The following FAM110A variants were observed in gnomAD, a reference collection of about 807,000 sequenced individuals.
FAM110A encodes the protein family with sequence similarity 110 member A.
FAM110A carries 1 observed loss-of-function variant against 4.0 expected under a neutral mutation model. That is an observed-to-expected ratio of 0.25 (90% CI 0.09 to 1.20). FAM110A has a LOEUF of 1.20. Among genes scored for constraint, FAM110A ranks in the 50% most tolerant of loss-of-function variants. FAM110A has a pLI of 0.50. For synonymous variants in FAM110A, 217 were observed against 196.8 expected (o/e 1.10, Z -0.86); for missense variants, 436 against 429.2 (o/e 1.02, Z -0.14).
Position 844,847 on chromosome 20 carries a change from G to C in FAM110A, c.43G>C (p.Ala15Pro). 6.6e-7 allele frequency: 1 copy of C among 1,525,568 alleles called. No individual in the cohort carries two copies. Among genetic ancestry groups the C allele is most frequent in the Non-Finnish European group, 8.8e-7 (1 of 1,136,348 alleles). 94.5% of individuals were successfully genotyped at this position (1,525,568 alleles called of 1,614,324 possible). Residue 15 changes from alanine to proline, a missense_variant, in exon 2 of 2, where the codon GCC becomes CCC. By Grantham distance (27) the Ala-to-Pro change is conservative. Transcript: ENST00000381941. ...GAGCCCCGGAGCCCCGTCCGCCCCC[G>C]CCCTACCTTGCCGCCTGCGGACCAG... ...TLSPGAPSAP[A>P]LPCRLRTRVP... is the part of the protein sequence containing the mutation.
At position 842,360 on chromosome 20, in the gene FAM110A, G is replaced by C. The variant is rs553750934; in HGVS notation, c.-97-2348G>C. On this transcript the variant is annotated intron_variant, in intron 1 of 1. Transcript: ENST00000381941. ...GTTTCTGCCCCGGCCCCGCCCGTCT[G>C]ACCTCCTTCTCCCTCTTTATCCGGA... Among the ~76,000 whole-genome samples, 4 of 152,338 alleles carry C rather than the reference G, an allele frequency of 2.6e-5. No individual in the cohort carries two copies. In the South Asian group the frequency reaches 8.3e-4, roughly 32 times the overall value.
Position 834,552 on chromosome 20 carries a change from G to A in FAM110A, c.-98+601G>A, listed in dbSNP as rs1979474739. Among the ~76,000 whole-genome samples, 1 of 152,216 alleles carries A rather than the reference G, an allele frequency of 6.6e-6. No homozygotes were observed. Among genetic ancestry groups the A allele is most frequent in the Non-Finnish European group, 1.5e-5 (1 of 68,036 alleles). On this transcript the variant is annotated intron_variant, in intron 1 of 1. Transcript: ENST00000381941. The surrounding 1 kb of genome is among the most constrained non-coding windows in gnomAD (Gnocchi z 5.6). ...TAGTCACCAGAGACTTTGGAATTGGGAGTGGGGCCGGAATCCCCCCAGGTG... is the reference window on the plus strand; with the variant it reads ...TAGTCACCAGAGACTTTGGAATTGGAAGTGGGGCCGGAATCCCCCCAGGTG...
chr20:838,727 G>T (rs1428868565), intron 1 of FAM110A, among the ~76,000 whole-genome samples: 4 of 152,184 alleles, frequency 2.6e-5, no homozygotes, highest in Admixed American at 6.5e-5. Flanking sequence ...AGGGCTTTGT[G>T]GCCAGAGCAG....
Position 839,390 on chromosome 20 carries a change from T to C in FAM110A, c.-97-5318T>C, listed in dbSNP as rs1046571912. The C allele has an allele frequency of 8.7e-6, 5 of 572,546 alleles. No homozygotes were observed. In the African/African-American group the frequency reaches 9.3e-5, roughly 11 times the overall value. 35.5% of individuals were successfully genotyped at this position (572,546 alleles called of 1,614,324 possible). ...TACAAAGAAAGTGCTCAGATGAGAT[T>C]TGTTCTTTTCTTTTTTGGCTGTAAG... On this transcript the variant is annotated intron_variant, in intron 1 of 1. Transcript: ENST00000381941.
rs766815462 is a variant in FAM110A, at chr20:845,618, G to C, written c.814G>C (p.Glu272Gln). 24 of 1,614,000 alleles carry C rather than the reference G, an allele frequency of 1.5e-5. 1 individual carries two copies. The highest frequency in any genetic ancestry group is 1.9e-5 in the Non-Finnish European group (23 of 1,180,040). The change falls in exon 2 of 2, where the codon GAG becomes CAG. Residue 272 changes from glutamate to glutamine, a missense_variant. Physicochemically the swap from Glu to Gln is conservative, Grantham distance 29 (BLOSUM62 2). Coordinates refer to ENST00000381941, the MANE Select transcript of FAM110A (RefSeq NM_001042353.3). ...CGTTCCCTATGGCGTGTCGGTGGTG[G>C]AGCGCAATGCCCGCGTGATCAAGTG... ...ERVPYGVSVV[E>Q]RNARVIKWLY... is the part of the protein sequence containing the mutation.
At chr20:844,658 T>C (rs1980152229) in intron 1 of FAM110A, 50 bp from the exon 2 acceptor site, 1 of 1,288,528 alleles carries the variant, frequency 7.8e-7, no homozygotes, top group Non-Finnish European at 9.9e-7. Context: ...TGAGCCTCTT[T>C]GTCTGAGCGC....
chr20:839,578 C>T, intron 1 of FAM110A: 1 of 1,015,168 alleles, frequency 9.9e-7, no homozygotes, highest in Non-Finnish European at 1.6e-6. Context: ...GTATCTCTGT[C>T]AGCTTCCCGT....
chr20:840,663 G>A lies in FAM110A; in HGVS notation c.-97-4045G>A, dbSNP rs1310007620. 6.6e-6 allele frequency among the ~76,000 whole-genome samples: 1 copy of A among 152,206 alleles called. No homozygotes were observed. Among genetic ancestry groups the A allele is most frequent in the Non-Finnish European group, 1.5e-5 (1 of 68,038 alleles). On this transcript the variant is annotated intron_variant, in intron 1 of 1. Coordinates refer to ENST00000381941, the MANE Select transcript of FAM110A (RefSeq NM_001042353.3). This position sits in a 1 kb window ranked among gnomAD's most constrained non-coding sequence, Gnocchi z 4.4. ...ATGCTCAGGCTCAGCCTGTTCCAGA[G>A]GGATGGACTCTACACGTGACAGCAT...
chr20:840,516 A>G lies in FAM110A; in HGVS notation c.-97-4192A>G, dbSNP rs907376975. ...TGCAGGGCTGCAGTCTCATGGGATT[A>G]AATGAGGGGGCTCTGGGGATTTAAA... On this transcript the variant is annotated intron_variant, in intron 1 of 1. Coordinates refer to ENST00000381941, the MANE Select transcript of FAM110A (RefSeq NM_001042353.3). The surrounding 1 kb of genome is among the most constrained non-coding windows in gnomAD (Gnocchi z 4.4). Among the ~76,000 whole-genome samples the G allele has an allele frequency of 1.3e-5, 2 of 152,234 alleles. No homozygotes were observed. The highest frequency in any genetic ancestry group is 6.5e-5 in the Admixed American group (1 of 15,280).
chr20:839,642 AG>A, intron 1 of FAM110A: 1 of 1,173,484 alleles, frequency 8.5e-7, no homozygotes, highest in African/African-American at 1.5e-5. Flanking sequence ...GAGGCCTGCC[AG>A]TCTCTGGACG....
chr20:842,436 G>A (rs959213096), intron 1 of FAM110A, among the ~76,000 whole-genome samples: 42 of 152,360 alleles, frequency 2.8e-4, no homozygotes, highest in African/African-American at 9.9e-4. Flanking sequence ...TGGTTTGGGA[G>A]GTGGCGGCCT....
intron 1 of FAM110A, chr20:836,194 C>T (rs1253310616): frequency 2.2e-5 from 3 of 133,904 alleles, no homozygotes; most frequent in Non-Finnish European, 3.0e-5. Context: ...CATAAGATAA[C>T]CTAGAGGTGG....
Position 834,367 on chromosome 20 carries a change from CG to C in FAM110A, c.-98+420del, listed in dbSNP as rs370775393. The stretch of plus-strand genomic sequence containing the variant: ...GGCTCATTTGGCGCCTTTCTGTCTA[CG>C]GGGACAGAGGACCACTCTTTGGGGA... On this transcript the variant is annotated intron_variant, in intron 1 of 1. Coordinates refer to ENST00000381941, the MANE Select transcript of FAM110A (RefSeq NM_001042353.3). This position sits in a 1 kb window ranked among gnomAD's most constrained non-coding sequence, Gnocchi z 5.6. Among the ~76,000 whole-genome samples the C allele has an allele frequency of 3.0e-4, 45 of 152,302 alleles. No individual in the cohort carries two copies. Among genetic ancestry groups the C allele is most frequent in the African/African-American group, 1.0e-3 (42 of 41,582 alleles).
chr20:840,278 G>T lies in FAM110A; in HGVS notation c.-97-4430G>T, dbSNP rs950265568. On this transcript the variant is annotated intron_variant, in intron 1 of 1. Transcript: ENST00000381941. This position sits in a 1 kb window ranked among gnomAD's most constrained non-coding sequence, Gnocchi z 4.4. Reference sequence around the variant, plus strand: ...CGGTCTCCTCATGCCCTGTACCCTAGTCCTGGCCCAGCTCCCACAGGCACA... The same window carrying T: ...CGGTCTCCTCATGCCCTGTACCCTATTCCTGGCCCAGCTCCCACAGGCACA... Among the ~76,000 whole-genome samples the T allele has an allele frequency of 6.6e-6, 1 of 152,108 alleles. No individual in the cohort carries two copies. Among genetic ancestry groups the T allele is most frequent in the Admixed American group, 6.6e-5 (1 of 15,264 alleles).
chr20:838,470 G>A (rs1979699814), intron 1 of FAM110A, among the ~76,000 whole-genome samples: 1 of 152,200 alleles, frequency 6.6e-6, no homozygotes, highest in Admixed American at 6.5e-5. Flanking sequence ...GTGTGATGGA[G>A]CTCATGGTCC....
chr20:845,722 A>G lies in FAM110A; in HGVS notation c.*30A>G. On this transcript the variant is annotated 3_prime_UTR_variant, in exon 2 of 2. Transcript: ENST00000381941. The stretch of plus-strand genomic sequence containing the variant: ...CACTGGGCCTGGAATTCGCCACAGG[A>G]CGGATCTTACAGAGGCAAGTGGTCC... 1 of 1,613,086 alleles carries G rather than the reference A, an allele frequency of 6.2e-7. No individual in the cohort carries two copies. The highest frequency in any genetic ancestry group is 2.2e-5 in the East Asian group (1 of 44,878).
intron 1 of FAM110A, among the ~76,000 whole-genome samples, chr20:836,937 G>A (rs747246960): frequency 1.3e-5 from 2 of 151,008 alleles, no homozygotes; most frequent in Non-Finnish European, 2.9e-5. Flanking sequence ...GTCTCATTGT[G>A]GTTTTAATTT....
rs1189899278 is a variant in FAM110A, at chr20:834,034, G to A, written c.-98+83G>A. On this transcript the variant is annotated intron_variant, in intron 1 of 1. Coordinates refer to ENST00000381941, the MANE Select transcript of FAM110A (RefSeq NM_001042353.3). This position sits in a 1 kb window ranked among gnomAD's most constrained non-coding sequence, Gnocchi z 5.6. ...CGTCTGCTGTCTGCTTTCTCCCCGC[G>A]TCGTACCTGCGTGTCATTTCACAGA... 7.9e-5 allele frequency: 12 copies of A among 152,376 alleles called. No homozygotes were observed. Among genetic ancestry groups the A allele is most frequent in the African/African-American group, 2.7e-4 (11 of 41,454 alleles). 9.4% of individuals were successfully genotyped at this position (152,376 alleles called of 1,614,324 possible). A position where few individuals can be genotyped will look rare whatever the true frequency, so the allele number is the denominator to read the frequency against.
intron 1 of FAM110A, among the ~76,000 whole-genome samples, chr20:836,994 G>C (rs1979606377): frequency 6.8e-6 from 1 of 146,136 alleles, no homozygotes; most frequent in Admixed American, 6.8e-5. Flanking sequence ...TCCTGTGCCT[G>C]TTGGCCATTT....
Sources: gnomAD v4.1 joint callset for allele counts (sites outside exome capture counted in the v4.1 genomes callset) on GRCh38, gnomAD v4.1.1 for gene constraint, Gnocchi (gnomAD v3.1) non-coding constraint, MANE v1.5 for transcripts, NCBI Gene and HGNC (gene_info 2026-07-23, HGNC 2026-07-21) for gene names.